The following DLGAP1 variants were observed in gnomAD, a reference collection of about 807,000 sequenced individuals.
The protein encoded by DLGAP1 is disks large-associated protein 1.
A neutral mutation model predicts 90.8 loss-of-function variants in DLGAP1; 11 were observed. The observed-to-expected ratio is 0.12, with a 90% CI of 0.08 to 0.20. The LOEUF (loss-of-function observed/expected upper bound fraction) is 0.20, where lower values mean the gene tolerates loss of function less well. Ranked by LOEUF, DLGAP1 falls within the 10% of genes least tolerant of loss-of-function variation. The pLI is 1.00. For synonymous variants in DLGAP1, 558 were observed against 540.7 expected (o/e 1.03, Z -0.44); for missense variants, 1,050 against 1,333.8 (o/e 0.79, Z 3.31).
chr18:3,919,694 G>A (rs2072224462), intron 3 of DLGAP1, among the ~76,000 whole-genome samples: 1 of 152,240 alleles, frequency 6.6e-6, no homozygotes, highest in Non-Finnish European at 1.5e-5. Context: ...GCTAAGTAAA[G>A]TGCTTCATCT....
chr18:4,396,729 T>C (rs1228704192), intron 1 of DLGAP1, among the ~76,000 whole-genome samples: 1 of 152,062 alleles, frequency 6.6e-6, no homozygotes, highest in Non-Finnish European at 1.5e-5. Flanking sequence ...CCTATATCTT[T>C]TTACCACGTG....
intron 7 of DLGAP1, among the ~76,000 whole-genome samples, chr18:3,704,092 G>A (rs2061363908): frequency 6.6e-6 from 1 of 152,224 alleles, no homozygotes; most frequent in South Asian, 2.1e-4. Context: ...AAAGGACACA[G>A]CAGCTGAGTC....
chr18:3,743,267 C>T (rs1343084221), intron 5 of DLGAP1, among the ~76,000 whole-genome samples: 1 of 152,148 alleles, frequency 6.6e-6, no homozygotes, highest in Non-Finnish European at 1.5e-5. Flanking sequence ...CTTAAAAGAA[C>T]TACTCATAGC....
At chr18:4,019,829 A>T (rs1215728553) in intron 2 of DLGAP1, among the ~76,000 whole-genome samples, 1 of 87,792 alleles carries the variant, frequency 1.1e-5, no homozygotes, top group Non-Finnish European at 2.2e-5. Context: ...ACACACACAC[A>T]TACACACGCA....
At chr18:4,141,809 T>G (rs549178136) in intron 2 of DLGAP1, among the ~76,000 whole-genome samples, 1 of 152,136 alleles carries the variant, frequency 6.6e-6, no homozygotes, top group African/African-American at 2.4e-5. Context: ...AATTTCTGTT[T>G]GATTCTCTTT....
chr18:3,805,633 C>G (rs1233435022), intron 5 of DLGAP1, among the ~76,000 whole-genome samples: 1 of 152,222 alleles, frequency 6.6e-6, no homozygotes, highest in Admixed American at 6.5e-5. Flanking sequence ...TTTGAAATCT[C>G]TTCTTCCTGA....
At chr18:4,146,361 A>C (rs1424361865) in intron 2 of DLGAP1, among the ~76,000 whole-genome samples, 1 of 152,182 alleles carries the variant, frequency 6.6e-6, no homozygotes, top group Non-Finnish European at 1.5e-5. Flanking sequence ...TTTTGAATTC[A>C]AGTCTTTCTG....
chr18:3,600,965 T>G (rs867228363), intron 7 of DLGAP1, among the ~76,000 whole-genome samples: 1,087 of 44,300 alleles, frequency 0.025, 105 homozygotes, highest in African/African-American at 0.084. Flanking sequence ...TATATAGATA[T>G]ATAGATAGAT....
intron 5 of DLGAP1, among the ~76,000 whole-genome samples, chr18:3,756,760 A>G (rs566456316): frequency 3.4e-4 from 51 of 152,210 alleles, no homozygotes; most frequent in African/African-American, 1.0e-3. Context: ...AATTAGAAAA[A>G]AGAGAGGAAA....
intron 9 of DLGAP1, among the ~76,000 whole-genome samples, chr18:3,535,072 CTGTGTGTGTGTGTGTG>C (rs111975324): frequency 2.8e-5 from 4 of 144,642 alleles, no homozygotes; most frequent in Admixed American, 1.4e-4. Flanking sequence ...TCAATCTTCT[CTGTGTGTGTGTGTGTG>C]TGTGTGTGTG....
intron 5 of DLGAP1, among the ~76,000 whole-genome samples, chr18:3,802,235 G>T (rs948111295): frequency 1.3e-5 from 2 of 149,536 alleles, no homozygotes; most frequent in East Asian, 4.1e-4. Context: ...CGCCCGCCTC[G>T]GCCTCCCAAA....
At chr18:4,170,851 C>T (rs900948933) in intron 1 of DLGAP1, among the ~76,000 whole-genome samples, 1 of 152,002 alleles carries the variant, frequency 6.6e-6, no homozygotes, top group African/African-American at 2.4e-5. Flanking sequence ...TTAGATTTTA[C>T]CTTTATTTGT....
intron 1 of DLGAP1, among the ~76,000 whole-genome samples, chr18:4,167,131 AAAG>A: frequency 6.6e-6 from 1 of 152,216 alleles, no homozygotes; most frequent in East Asian, 1.9e-4. Flanking sequence ...GAAAGAGAAA[AAAG>A]AACCAGAGGA....
At chr18:3,925,237 G>T (rs1245575785) in intron 3 of DLGAP1, among the ~76,000 whole-genome samples, 1 of 151,734 alleles carries the variant, frequency 6.6e-6, no homozygotes, top group Non-Finnish European at 1.5e-5. Context: ...ATAGGTGTGA[G>T]CCACTGCGCC....
At chr18:3,973,082 T>G (rs2073487104) in intron 3 of DLGAP1, among the ~76,000 whole-genome samples, 1 of 152,132 alleles carries the variant, frequency 6.6e-6, no homozygotes, top group African/African-American at 2.4e-5. Context: ...CAAAGAAACT[T>G]AATTCTGGGA....
At position 3,572,274 on chromosome 18, in the gene DLGAP1, A is replaced by G. The variant is rs113347702; in HGVS notation, c.1966-4693T>C. ...ATAAAAGCAATTTTGCTTTGTTTTG[A>G]AATATTTACAGTTCATTTCTTGCTT... On this transcript the variant is annotated intron_variant, in intron 8 of 12. Coordinates refer to ENST00000315677, the MANE Select transcript of DLGAP1 (RefSeq NM_004746.4). Among the ~76,000 whole-genome samples, 788 of 152,192 alleles carry G rather than the reference A, an allele frequency of 5.2e-3. 7 individuals are homozygous for G. The highest frequency in any genetic ancestry group is 0.018 in the African/African-American group (758 of 41,528).
At chr18:3,790,530 A>G (rs2065684546) in intron 5 of DLGAP1, among the ~76,000 whole-genome samples, 1 of 152,084 alleles carries the variant, frequency 6.6e-6, no homozygotes, top group Non-Finnish European at 1.5e-5. Context: ...TGGCCTCCCA[A>G]GTGCTAGGAT....
At chr18:4,164,862 C>T (rs1256565325) in intron 1 of DLGAP1, among the ~76,000 whole-genome samples, 7 of 151,772 alleles carry the variant, frequency 4.6e-5, no homozygotes, top group Non-Finnish European at 8.8e-5. Flanking sequence ...AAAAAAGAAC[C>T]TTGGTAGATG....
At chr18:4,000,339 T>C (rs1012227980) in intron 3 of DLGAP1, among the ~76,000 whole-genome samples, 2 of 152,204 alleles carry the variant, frequency 1.3e-5, no homozygotes, top group Admixed American at 6.5e-5. Flanking sequence ...TTATTCTCCA[T>C]TGATATCCTT....
Sources: gnomAD v4.1 joint callset for allele counts (sites outside exome capture counted in the v4.1 genomes callset) on GRCh38, gnomAD v4.1.1 for gene constraint, MANE v1.5 for transcripts, NCBI Gene and HGNC (gene_info 2026-07-23, HGNC 2026-07-21) for gene names.